IKZF1: variants seen among roughly 807,000 people sequenced by gnomAD.
IKZF1 encodes IKAROS family zinc finger 1, also known as DNA-binding protein Ikaros.
IKZF1 carries 10 observed loss-of-function variants against 51.7 expected under a neutral mutation model. The observed-to-expected ratio is 0.19, with a 90% CI of 0.12 to 0.33. The LOEUF (loss-of-function observed/expected upper bound fraction) is 0.33, where lower values mean the gene tolerates loss of function less well. Among genes scored for constraint, IKZF1 ranks in the 10% least tolerant of loss-of-function variants. The probability of loss-of-function intolerance (pLI) is 1.00; values close to 1 mark genes in which losing one functional copy is unlikely to be tolerated. For missense variants in IKZF1, 484 were observed against 707.5 expected (o/e 0.68, Z 3.58); for synonymous variants, 280 against 282.3 (o/e 0.99, Z 0.08).
At chr7:50,354,558 C>T (rs746450119) in intron 3 of IKZF1, among the ~76,000 whole-genome samples, 6 of 152,210 alleles carry the variant, frequency 3.9e-5, no homozygotes, top group Non-Finnish European at 2.9e-5. Context: ...GGGCAGCAGT[C>T]TTTGTACTGT....
rs570185272 is a variant in IKZF1 at position 50,404,608 on chromosome 7, G to A, written c.*3981G>A. 4.8e-5 allele frequency: 11 copies of A among 228,968 alleles called. No homozygotes were observed. The highest frequency in any genetic ancestry group is 1.2e-4 in the East Asian group (2 of 16,162). The allele number at this position is 228,968 out of a possible 1,614,324, so 14.2% of individuals were successfully genotyped here. A position where few individuals can be genotyped will look rare whatever the true frequency, so the allele number is the denominator to read the frequency against. ...CATGTGGTGTCTTGATGTGGCCAGC[G>A]CAGCAGTTCAGCACAACGTACCTCC... On this transcript the variant is annotated 3_prime_UTR_variant, in exon 8 of 8. Coordinates refer to ENST00000331340, the MANE Select transcript of IKZF1 (RefSeq NM_006060.6).
chr7:50,330,509 G>A (rs905312753), intron 3 of IKZF1, among the ~76,000 whole-genome samples: 1 of 152,108 alleles, frequency 6.6e-6, no homozygotes, highest in African/African-American at 2.4e-5. Context: ...GGAGGGAGAG[G>A]ATTCCACAAG....
At chr7:50,369,105 C>T (rs188766460) in intron 3 of IKZF1, 39 of 231,014 alleles carry the variant, frequency 1.7e-4, no homozygotes, top group Admixed American at 1.4e-3. Context: ...TTGATACCTA[C>T]TTTTTGAGAT....
At position 50,373,388 on chromosome 7, in the gene IKZF1, T is replaced by C. The variant is rs1172390663; in HGVS notation, c.161-3145T>C. ...AGTGATAGCTTCTGGCAAGTTCTAA[T>C]AGGCCATATGTGCCCATGGGAAAGC... On this transcript the variant is annotated intron_variant, in intron 3 of 7. Transcript: ENST00000331340. Among the ~76,000 whole-genome samples, 7 of 152,336 alleles carry C rather than the reference T, an allele frequency of 4.6e-5. No homozygotes were observed. The South Asian group carries it at 1.2e-3, about 27-fold the overall frequency.
Position 50,364,268 on chromosome 7 carries a change from A to G in IKZF1, c.161-12265A>G, listed in dbSNP as rs115614569. Among the ~76,000 whole-genome samples the G allele has an allele frequency of 5.5e-3, 839 of 152,288 alleles. 11 individuals are homozygous for G. The highest frequency in any genetic ancestry group is 0.019 in the African/African-American group (805 of 41,566). On this transcript the variant is annotated intron_variant, in intron 3 of 7. Coordinates refer to ENST00000331340, the MANE Select transcript of IKZF1 (RefSeq NM_006060.6). ...AAACTGAAAAGTGTGGTTTGTGGGT[A>G]TTTCATTTTTCCCATAATGTTCATC...
At chr7:50,304,022 A>C (rs1788167168), upstream of IKZF1, 2 of 143,116 alleles carry the variant, frequency 1.4e-5, no homozygotes, top group African/African-American at 5.0e-5. Flanking sequence ...CGGCGAGGGG[A>C]GGGCCCGGGC....
intron 3 of IKZF1, among the ~76,000 whole-genome samples, chr7:50,360,937 C>T (rs1805029690): frequency 6.6e-6 from 1 of 152,270 alleles, no homozygotes; most frequent in Non-Finnish European, 1.5e-5. Flanking sequence ...CTCTTATGGG[C>T]AGCCCAGTTA....
intron 3 of IKZF1, among the ~76,000 whole-genome samples, chr7:50,336,958 T>C (rs1797938053): frequency 6.6e-6 from 1 of 150,922 alleles, no homozygotes; most frequent in Non-Finnish European, 1.5e-5. Context: ...GGAGACAGAG[T>C]GAGTTGTGTG....
At chr7:50,337,363 T>C (rs1039750356) in intron 3 of IKZF1, among the ~76,000 whole-genome samples, 1 of 152,158 alleles carries the variant, frequency 6.6e-6, no homozygotes, top group Admixed American at 6.5e-5. Context: ...ACCTATGAGC[T>C]GGGCCTGGGC....
chr7:50,345,917 T>A (rs1800243799), intron 3 of IKZF1, among the ~76,000 whole-genome samples: 1 of 152,230 alleles, frequency 6.6e-6, no homozygotes, highest in Non-Finnish European at 1.5e-5. Flanking sequence ...GTGGCAGTTC[T>A]GCCTGGTTTG....
At chr7:50,305,253 A>G (rs1378866043) in intron 1 of IKZF1, among the ~76,000 whole-genome samples, 1 of 152,200 alleles carries the variant, frequency 6.6e-6, no homozygotes, top group Non-Finnish European at 1.5e-5. Flanking sequence ...TCGTGTGTAA[A>G]GAGTTTTCCT....
chr7:50,355,786 G>A (rs749765432), intron 3 of IKZF1, among the ~76,000 whole-genome samples: 25 of 152,306 alleles, frequency 1.6e-4, no homozygotes, highest in Non-Finnish European at 3.1e-4. Flanking sequence ...GAGGGAAAGC[G>A]GTGCATTCAT....
chr7:50,396,226 C>T (rs1816667347), intron 7 of IKZF1, among the ~76,000 whole-genome samples: 2 of 152,022 alleles, frequency 1.3e-5, no homozygotes, highest in South Asian at 4.2e-4. Flanking sequence ...TATCTGTTAA[C>T]AGTTCTTAAA....
rs992276622 is a variant in IKZF1 at position 50,397,017 on chromosome 7, T to C, written c.851-2901T>C. Among the ~76,000 whole-genome samples the C allele has an allele frequency of 2.6e-5, 4 of 152,246 alleles. No individual in the cohort carries two copies. In the East Asian group the frequency reaches 7.7e-4, roughly 29 times the overall value. ...GATTCTTGTCAGCCAAGGTTTCAAATGCTTTTCTGATCAGAACAGGGAAAA... is the reference window on the plus strand; with the variant it reads ...GATTCTTGTCAGCCAAGGTTTCAAACGCTTTTCTGATCAGAACAGGGAAAA... On this transcript the variant is annotated intron_variant, in intron 7 of 7. Coordinates refer to ENST00000331340, the MANE Select transcript of IKZF1 (RefSeq NM_006060.6).
chr7:50,376,451 A>G lies in IKZF1; in HGVS notation c.161-82A>G, dbSNP rs2153467763. Reference sequence around the variant, plus strand: ...TTTAGTAGCTCTCCACACCTATTTGATTGTCTTTTTGCTGCTGTGTTGTTT... The same window carrying G: ...TTTAGTAGCTCTCCACACCTATTTGGTTGTCTTTTTGCTGCTGTGTTGTTT... On this transcript the variant is annotated intron_variant, in intron 3 of 7. Coordinates refer to ENST00000331340, the MANE Select transcript of IKZF1 (RefSeq NM_006060.6). The surrounding 1 kb of genome is among the most constrained non-coding windows in gnomAD (Gnocchi z 4.5). The G allele has an allele frequency of 6.4e-7, 1 of 1,564,892 alleles. No homozygotes were observed. The highest frequency in any genetic ancestry group is 8.6e-7 in the Non-Finnish European group (1 of 1,158,818).
intron 3 of IKZF1, among the ~76,000 whole-genome samples, chr7:50,360,063 AGG>A (rs1804743470): frequency 6.6e-6 from 1 of 152,108 alleles, no homozygotes; most frequent in Non-Finnish European, 1.5e-5. Flanking sequence ...CGGGATTAAG[AGG>A]GCAACTGAGT....
At chr7:50,388,952 C>T (rs1372681070) in intron 6 of IKZF1, among the ~76,000 whole-genome samples, 2 of 152,160 alleles carry the variant, frequency 1.3e-5, no homozygotes, top group African/African-American at 4.8e-5. Context: ...CTATTGAATA[C>T]AGTAATCTAA....
In IKZF1 at chr7:50,400,944, A is replaced by T; in HGVS notation, c.*317A>T. 2.3e-6 allele frequency: 1 copy of T among 442,598 alleles called. No homozygotes were observed. The highest frequency in any genetic ancestry group is 4.1e-6 in the Non-Finnish European group (1 of 245,512). The allele number at this position is 442,598 out of a possible 1,614,324, so 27.4% of individuals were successfully genotyped here. A position where few individuals can be genotyped will look rare whatever the true frequency, so the allele number is the denominator to read the frequency against. On this transcript the variant is annotated 3_prime_UTR_variant, in exon 8 of 8. Coordinates refer to ENST00000331340, the MANE Select transcript of IKZF1 (RefSeq NM_006060.6). This position sits in a 1 kb window ranked among gnomAD's most constrained non-coding sequence, Gnocchi z 5.4. Reference sequence around the variant, plus strand: ...ATCCCCTTCTCCAAACGATTAGTCTAAATTTTCAGAGAGAAATAGATAAAA... The same window carrying T: ...ATCCCCTTCTCCAAACGATTAGTCTTAATTTTCAGAGAGAAATAGATAAAA...
intron 3 of IKZF1, among the ~76,000 whole-genome samples, chr7:50,334,349 T>C (rs1462750446): frequency 3.9e-5 from 6 of 152,292 alleles, no homozygotes; most frequent in East Asian, 1.9e-4. Context: ...ATGTGTTGTG[T>C]GTGTGCAGGT....
Sources: gnomAD v4.1 joint callset for allele counts (sites outside exome capture counted in the v4.1 genomes callset) on GRCh38, gnomAD v4.1.1 for gene constraint, Gnocchi (gnomAD v3.1) non-coding constraint, MANE v1.5 for transcripts, NCBI Gene and HGNC (gene_info 2026-07-23, HGNC 2026-07-21) for gene names.